Variants in FAM227B observed in about 807,000 individuals in gnomAD.
FAM227B encodes the protein protein FAM227B.
Under a neutral mutation model 73.8 loss-of-function variants are expected in FAM227B, and 88 were observed. That is an observed-to-expected ratio of 1.19 (90% CI 1.00 to 1.42). The LOEUF (loss-of-function observed/expected upper bound fraction) is 1.42, where lower values mean the gene tolerates loss of function less well. Among genes scored for constraint, FAM227B ranks in the 40% most tolerant of loss-of-function variants. The pLI is 0.00. For missense variants in FAM227B, 632 were observed against 590.9 expected (o/e 1.07, Z -0.72); for synonymous variants, 210 against 190.5 (o/e 1.10, Z -0.84).
At chr15:49,381,707 G>A (rs577565458) in intron 11 of FAM227B, among the ~76,000 whole-genome samples, 9 of 152,246 alleles carry the variant, frequency 5.9e-5, no homozygotes, top group Non-Finnish European at 1.2e-4. Context: ...AATAAGAGGT[G>A]TAAATATTAG....
At chr15:49,507,695 C>G (rs1228401632) in intron 11 of FAM227B, among the ~76,000 whole-genome samples, 1 of 151,834 alleles carries the variant, frequency 6.6e-6, no homozygotes, top group Non-Finnish European at 1.5e-5. Flanking sequence ...CAAGTAGGCT[C>G]TAAGTGGACT....
At chr15:49,612,440 C>T (rs907288525) in intron 2 of FAM227B, among the ~76,000 whole-genome samples, 4 of 152,084 alleles carry the variant, frequency 2.6e-5, no homozygotes, top group Non-Finnish European at 5.9e-5. Context: ...TTTATGGCTG[C>T]ATAGTATTCC....
chr15:49,381,492 GAAGT>G (rs1483847591), intron 11 of FAM227B, among the ~76,000 whole-genome samples: 1 of 152,176 alleles, frequency 6.6e-6, no homozygotes, highest in Non-Finnish European at 1.5e-5. Context: ...ACATCCATGA[GAAGT>G]AATAGCTACC....
intron 11 of FAM227B, among the ~76,000 whole-genome samples, chr15:49,404,453 G>T (rs1009652355): frequency 7.2e-5 from 11 of 152,116 alleles, no homozygotes; most frequent in African/African-American, 2.7e-4. Flanking sequence ...CCTGTGTTGG[G>T]TGCATATATA....
intron 11 of FAM227B, among the ~76,000 whole-genome samples, chr15:49,472,072 T>G (rs2151969707): frequency 6.6e-6 from 1 of 151,562 alleles, no homozygotes; most frequent in South Asian, 2.1e-4. Context: ...ACAACAGTGT[T>G]GAAAATAAGA....
At chr15:49,337,603 G>A (rs1183162049) in intron 13 of FAM227B, among the ~76,000 whole-genome samples, 1 of 138,732 alleles carries the variant, frequency 7.2e-6, no homozygotes, top group Admixed American at 8.0e-5. Context: ...GTATACATGT[G>A]CCATGGTGGT....
Position 49,328,622 on chromosome 15 carries a change from TGATGATGAC to T in FAM227B, c.1464_1472del (p.Ser492_Ser494del), listed in dbSNP as rs772992443. On this transcript the variant is annotated inframe_deletion, in exon 16 of 16. Transcript: ENST00000299338. ...TGTCTGTTGATGATGGTGATGATGA[TGATGATGAC>T]GATAGTGATGCCACACATTCTCTCT... is the stretch of plus-strand genomic sequence containing the variant. 16 of 1,587,438 alleles carry T rather than the reference TGATGATGAC, an allele frequency of 1.0e-5. No homozygotes were observed. Among genetic ancestry groups the T allele is most frequent in the African/African-American group, 1.3e-5 (1 of 74,708 alleles).
At chr15:49,353,506 G>C (rs10467992) in intron 13 of FAM227B, 1 of 151,904 alleles carries the variant, frequency 6.6e-6, no homozygotes, top group African/African-American at 2.4e-5. Flanking sequence ...TTTTAAGATA[G>C]CTCACATTTC....
chr15:49,339,273 T>C (rs1693206112), intron 13 of FAM227B, among the ~76,000 whole-genome samples: 1 of 152,206 alleles, frequency 6.6e-6, no homozygotes, highest in Non-Finnish European at 1.5e-5. Context: ...TGGATTTATG[T>C]ACCTTTGGCC....
intron 3 of FAM227B, among the ~76,000 whole-genome samples, chr15:49,592,033 GC>G (rs2152414472): frequency 6.6e-6 from 1 of 152,200 alleles, no homozygotes; most frequent in Admixed American, 6.5e-5. Context: ...GGTCATTTAA[GC>G]CCTTCTCTCC....
rs971446486 is a variant in FAM227B at position 49,528,900 on chromosome 15, T to C, written c.874+12780A>G. ...GGAATGTATAATACAGTAACTCCTA[T>C]GGGAAAAAGCATGGAGATTTCTCAA... is the stretch of plus-strand genomic sequence containing the variant. On this transcript the variant is annotated intron_variant, in intron 10 of 15. Transcript: ENST00000299338. 2.0e-5 allele frequency among the ~76,000 whole-genome samples: 3 copies of C among 151,848 alleles called. No homozygotes were observed. In the South Asian group the frequency reaches 6.2e-4, roughly 31 times the overall value.
intron 13 of FAM227B, chr15:49,366,336 T>C: frequency 1.3e-6 from 1 of 786,684 alleles, no homozygotes; most frequent in Non-Finnish European, 2.4e-6. Context: ...AGGATACTGT[T>C]ATTGACAACC....
intron 8 of FAM227B, among the ~76,000 whole-genome samples, chr15:49,569,390 C>T (rs543798052): frequency 2.8e-4 from 42 of 151,478 alleles, no homozygotes; most frequent in African/African-American, 9.9e-4. Flanking sequence ...TGTATTATTT[C>T]CTTCCTTCTG....
chr15:49,408,944 GTATA>G (rs2048699704), intron 11 of FAM227B, among the ~76,000 whole-genome samples: 1 of 152,006 alleles, frequency 6.6e-6, no homozygotes, highest in Admixed American at 6.6e-5. Context: ...AAATGAATGA[GTATA>G]TAAATTCTAG....
intron 10 of FAM227B, among the ~76,000 whole-genome samples, chr15:49,526,043 C>A (rs993310836): frequency 6.6e-6 from 1 of 151,894 alleles, no homozygotes; most frequent in Non-Finnish European, 1.5e-5. Context: ...GGACTCTAGA[C>A]CAAACGAACC....
intron 13 of FAM227B, among the ~76,000 whole-genome samples, chr15:49,338,760 C>T (rs182829287): frequency 6.6e-6 from 1 of 152,322 alleles, no homozygotes; most frequent in African/African-American, 2.4e-5. Context: ...CTTTCAGGTA[C>T]ACCAATCAAT....
chr15:49,453,919 T>C (rs1257275181), intron 11 of FAM227B, among the ~76,000 whole-genome samples: 1 of 152,154 alleles, frequency 6.6e-6, no homozygotes, highest in Non-Finnish European at 1.5e-5. Context: ...CATTCCTCCA[T>C]CTCTTCTAGC....
At chr15:49,542,882 C>T (rs1009580916) in intron 9 of FAM227B, among the ~76,000 whole-genome samples, 4 of 151,516 alleles carry the variant, frequency 2.6e-5, no homozygotes, top group Non-Finnish European at 4.4e-5. Flanking sequence ...TATATATATA[C>T]CACATTTTCT....
chr15:49,575,603 T>A (rs1177680165), intron 7 of FAM227B, among the ~76,000 whole-genome samples: 1 of 152,058 alleles, frequency 6.6e-6, no homozygotes, highest in Non-Finnish European at 1.5e-5. Context: ...AGAAATACAA[T>A]AAAAAATTCA....
Sources: gnomAD v4.1 joint callset for allele counts (sites outside exome capture counted in the v4.1 genomes callset) on GRCh38, gnomAD v4.1.1 for gene constraint, MANE v1.5 for transcripts, NCBI Gene and HGNC (gene_info 2026-07-23, HGNC 2026-07-21) for gene names.